RYR3: variants seen among roughly 807,000 people sequenced by gnomAD.
RYR3 encodes ryanodine receptor 3.
A neutral mutation model predicts 584.3 loss-of-function variants in RYR3; 207 were observed. That is an observed-to-expected ratio of 0.35 (90% CI 0.32 to 0.40). RYR3 has a LOEUF of 0.40. Ranked by LOEUF, RYR3 falls within the 10% of genes least tolerant of loss-of-function variation. RYR3 has a pLI of 1.00. For missense variants in RYR3, 5,616 were observed against 6,089.2 expected (o/e 0.92, Z 2.59); for synonymous variants, 2,416 against 2,248.5 (o/e 1.07, Z -2.11).
At chr15:33,369,359 C>A (rs983143067) in intron 1 of RYR3, among the ~76,000 whole-genome samples, 2 of 152,204 alleles carry the variant, frequency 1.3e-5, no homozygotes, top group African/African-American at 4.8e-5. Flanking sequence ...CACCAAATTA[C>A]CTTTGTTCAG....
At position 33,696,245 on chromosome 15, in the gene RYR3, C is replaced by T. The variant is rs1321558912; in HGVS notation, c.5888C>T (p.Thr1963Met). Residue 1963 changes from threonine to methionine, a missense_variant, in exon 39 of 104, where the codon ACG becomes ATG. Coordinates refer to ENST00000634891, the MANE Select transcript of RYR3 (RefSeq NM_001036.6). ...ACATTGAAGGAACTCATCTCACAGA[C>T]GATGATCTGCTGGGCCCAGGAGGAC... is the stretch of plus-strand genomic sequence containing the variant. ...PTTLKELISQ[T>M]MICWAQEDQI... The T allele has an allele frequency of 6.8e-6, 11 of 1,613,682 alleles. No individual in the cohort carries two copies. Among genetic ancestry groups the T allele is most frequent in the Admixed American group, 3.3e-5 (2 of 60,008 alleles).
At chr15:33,848,837 T>TTTG (rs1272363641) in intron 94 of RYR3, among the ~76,000 whole-genome samples, 1 of 138,686 alleles carries the variant, frequency 7.2e-6, no homozygotes, top group Non-Finnish European at 1.6e-5. Flanking sequence ...TTTTTTTTTT[T>TTTG]TTTTTTTTTT....
chr15:33,846,545 C>T (rs2078736030), intron 93 of RYR3, among the ~76,000 whole-genome samples: 1 of 152,108 alleles, frequency 6.6e-6, no homozygotes, highest in African/African-American at 2.4e-5. Flanking sequence ...TCCTTAAGTA[C>T]AGCAAGCCAT....
chr15:33,730,102 A>AATTAATAATT (rs996767547), intron 47 of RYR3, among the ~76,000 whole-genome samples: 2 of 83,294 alleles, frequency 2.4e-5, no homozygotes, highest in African/African-American at 7.7e-5. Flanking sequence ...TTTTATTCAT[A>AATTAATAATT]ATGAATAATT....
intron 43 of RYR3, among the ~76,000 whole-genome samples, chr15:33,717,765 G>A (rs12906709): frequency 0.37 from 55,807 of 152,102 alleles, 10,780 homozygotes; most frequent in Middle Eastern, 0.48. Context: ...CTGTTCCACT[G>A]GTCTCATTCT....
chr15:33,469,210 T>C lies in RYR3; in HGVS notation c.52-4209T>C, dbSNP rs187200011. Among the ~76,000 whole-genome samples, 145 of 152,206 alleles carry C rather than the reference T, an allele frequency of 9.5e-4. 2 individuals carry two copies. In the Middle Eastern group the frequency reaches 0.02, roughly 21 times the overall value. ...ACTAAGCTTAGAAGAATAGGTAATA[T>C]ATGGACATGGAAAACTAGGGCAAGT... On this transcript the variant is annotated intron_variant, in intron 1 of 103. Coordinates refer to ENST00000634891, the MANE Select transcript of RYR3 (RefSeq NM_001036.6).
intron 19 of RYR3, among the ~76,000 whole-genome samples, chr15:33,613,820 T>C (rs2060317632): frequency 6.6e-6 from 1 of 152,114 alleles, no homozygotes; most frequent in East Asian, 1.9e-4. Context: ...GAATATGAAG[T>C]TTATGTCTTG....
intron 52 of RYR3, among the ~76,000 whole-genome samples, chr15:33,745,437 G>A (rs767615411): frequency 2.0e-5 from 3 of 152,034 alleles, no homozygotes; most frequent in African/African-American, 4.8e-5. Flanking sequence ...TTAACAAATG[G>A]ACAGGAGCAG....
intron 1 of RYR3, among the ~76,000 whole-genome samples, chr15:33,422,654 G>C (rs1232837765): frequency 6.6e-6 from 1 of 152,094 alleles, no homozygotes; most frequent in African/African-American, 2.4e-5. Flanking sequence ...CAGAGAGAGA[G>C]AGGAGAGAAC....
intron 32 of RYR3, among the ~76,000 whole-genome samples, chr15:33,654,343 C>G (rs1470322906): frequency 6.6e-6 from 1 of 151,956 alleles, no homozygotes; most frequent in Admixed American, 6.6e-5. Flanking sequence ...GGTGGACCCT[C>G]AGCTTTACAA....
intron 1 of RYR3, among the ~76,000 whole-genome samples, chr15:33,380,503 G>A (rs144569494): frequency 9.7e-4 from 148 of 152,344 alleles, no homozygotes; most frequent in Non-Finnish European, 1.5e-3. Flanking sequence ...AGAGATGGCT[G>A]AGCGATTAGC....
intron 1 of RYR3, among the ~76,000 whole-genome samples, chr15:33,364,042 CAGTG>C (rs1460120294): frequency 6.6e-6 from 1 of 152,088 alleles, no homozygotes; most frequent in East Asian, 1.9e-4. Context: ...TTGAGGTGTG[CAGTG>C]AGTGTGAAAG....
chr15:33,423,526 T>C (rs1248600431), intron 1 of RYR3, among the ~76,000 whole-genome samples: 2 of 152,244 alleles, frequency 1.3e-5, no homozygotes, highest in East Asian at 1.9e-4. Context: ...CTGGGTCACA[T>C]GGTAATTCTA....
At chr15:33,785,120 T>TC (rs1459031738) in intron 65 of RYR3, among the ~76,000 whole-genome samples, 5 of 152,158 alleles carry the variant, frequency 3.3e-5, no homozygotes, top group Admixed American at 6.5e-5. Context: ...GCGATGCTTT[T>TC]CCCCCCAGAA....
intron 1 of RYR3, among the ~76,000 whole-genome samples, chr15:33,370,345 T>C (rs2040242096): frequency 6.6e-6 from 1 of 152,212 alleles, no homozygotes; most frequent in South Asian, 2.1e-4. Flanking sequence ...TGAGTTATTT[T>C]GATGTCTGTA....
chr15:33,669,484 C>G, intron 37 of RYR3, 28 bp downstream of exon 37: 1 of 1,591,092 alleles, frequency 6.3e-7, no homozygotes, highest in Non-Finnish European at 8.6e-7. Flanking sequence ...AGGCTTTGTC[C>G]TTTTTTTACA....
chr15:33,631,963 A>G (rs1203275902), intron 23 of RYR3, among the ~76,000 whole-genome samples: 1 of 152,174 alleles, frequency 6.6e-6, no homozygotes, highest in Non-Finnish European at 1.5e-5. Flanking sequence ...CCACTCTCAC[A>G]CACGCAACTC....
At chr15:33,379,165 T>C (rs1423404100) in intron 1 of RYR3, among the ~76,000 whole-genome samples, 1 of 152,016 alleles carries the variant, frequency 6.6e-6, no homozygotes, top group African/African-American at 2.4e-5. Flanking sequence ...AAAAAATGAG[T>C]ACAAGCAGTT....
chr15:33,735,435 A>G (rs1330738872), intron 48 of RYR3, among the ~76,000 whole-genome samples: 1 of 152,182 alleles, frequency 6.6e-6, no homozygotes, highest in East Asian at 1.9e-4. Flanking sequence ...ACATTTAACA[A>G]AGGGGTGTCA....
Sources: allele counts gnomAD v4.1 joint callset (sites outside exome capture counted in the v4.1 genomes callset), GRCh38; gene constraint gnomAD v4.1.1; transcripts MANE v1.5; gene names NCBI Gene and HGNC (gene_info 2026-07-23, HGNC 2026-07-21).